Variants in PRKCH observed in about 807,000 individuals in gnomAD.
The protein encoded by PRKCH is protein kinase C eta.
In PRKCH, 28 loss-of-function variants were observed where a neutral mutation model predicts 82.5. That is an observed-to-expected ratio of 0.34 (90% CI 0.25 to 0.47). The LOEUF is 0.47. PRKCH is among the 20% of genes least tolerant of loss of function. The pLI is 1.00. For missense variants in PRKCH, 705 were observed against 881.8 expected (o/e 0.80, Z 2.54); for synonymous variants, 322 against 327.4 (o/e 0.98, Z 0.18).
At position 61,295,081 on chromosome 14, in the gene PRKCH, G is replaced by T. The variant is rs577159448; in HGVS notation, c.-19+107413G>T. 1.4e-4 allele frequency among the ~76,000 whole-genome samples: 21 copies of T among 152,184 alleles called. No individual in the cohort carries two copies. The East Asian group carries it at 4.0e-3, about 29-fold the overall frequency. On this transcript the variant is annotated intron_variant, in intron 1 of 3. Coordinates refer to the PRKCH transcript ENST00000555185. ...AGGTTTTGCCATGTTGGCCAGGCTG[G>T]TCTCGAACTTCCAGCCTCAAATGAT...
Position 61,188,739 on chromosome 14 carries a change from G to GTGTGTGTGTGTGTGT in PRKCH, c.-19+1071_-19+1072insTGTGTGTGTGTGTGT, listed in dbSNP as rs1491089927. 1.7e-4 allele frequency among the ~76,000 whole-genome samples: 25 copies of GTGTGTGTGTGTGTGT among 144,424 alleles called. 3 individuals are homozygous for GTGTGTGTGTGTGTGT. The highest frequency in any genetic ancestry group is 4.1e-4 in the East Asian group (2 of 4,858). 94.7% of individuals were successfully genotyped at this position (144,424 alleles called of 152,430 possible). On this transcript the variant is annotated intron_variant, in intron 1 of 3. Transcript: ENST00000555185. Reference sequence around the variant, plus strand: ...TGTGTGTGTGTGTGTGTGTGTGTGTGATGGAGTTTTGCTCTTGTTGCCCAG... The same window carrying GTGTGTGTGTGTGTGT: ...TGTGTGTGTGTGTGTGTGTGTGTGTGTGTGTGTGTGTGTGTATGGAGTTTTGCTCTTGTTGCCCAG...
intron 12 of PRKCH, among the ~76,000 whole-genome samples, chr14:61,537,233 G>T (rs1051065494): frequency 1.3e-5 from 2 of 152,120 alleles, no homozygotes; most frequent in African/African-American, 4.8e-5. Flanking sequence ...CCTGCGACTC[G>T]CAGAGAATGG....
At chr14:61,378,030 G>T (rs1594639300) in intron 1 of PRKCH, among the ~76,000 whole-genome samples, 1 of 152,092 alleles carries the variant, frequency 6.6e-6, no homozygotes, top group South Asian at 2.1e-4. Flanking sequence ...TTCCTCCAAT[G>T]ACACTGATCA....
intron 1 of PRKCH, among the ~76,000 whole-genome samples, chr14:61,329,104 G>C (rs1329722287): frequency 1.3e-5 from 2 of 151,682 alleles, no homozygotes; most frequent in Admixed American, 1.3e-4. Context: ...AACAATCCCT[G>C]TCCATTGTTT....
At chr14:61,233,149 T>G (rs959749201) in intron 1 of PRKCH, among the ~76,000 whole-genome samples, 1 of 152,232 alleles carries the variant, frequency 6.6e-6, no homozygotes, top group African/African-American at 2.4e-5. Flanking sequence ...CACTCAGGTT[T>G]GCAGACTTCC....
intron 1 of PRKCH, among the ~76,000 whole-genome samples, chr14:61,209,989 A>C (rs1302274854): frequency 6.6e-6 from 1 of 151,506 alleles, no homozygotes; most frequent in African/African-American, 2.4e-5. Context: ...TTATAATCCC[A>C]GCACTTTGGG....
At chr14:61,227,333 G>A (rs866596827) in intron 1 of PRKCH, among the ~76,000 whole-genome samples, 14 of 152,300 alleles carry the variant, frequency 9.2e-5, no homozygotes, top group African/African-American at 3.1e-4. Context: ...GGTGGCTCAC[G>A]CCTGTAATCC....
chr14:61,215,959 GAAC>G lies in PRKCH; in HGVS notation c.-19+28297_-19+28299del, dbSNP rs544439265. 1.5e-4 allele frequency among the ~76,000 whole-genome samples: 23 copies of G among 152,288 alleles called. No homozygotes were observed. The East Asian group carries it at 4.2e-3, about 28-fold the overall frequency. On this transcript the variant is annotated intron_variant, in intron 1 of 3. Coordinates refer to the PRKCH transcript ENST00000555185. ...TAAGGGTTTTAAGACGCATCCAGGA[GAAC>G]AACAAGGGCTTCTGGGATTCCACAA...
chr14:61,207,106 C>CA (rs71114196), intron 1 of PRKCH, among the ~76,000 whole-genome samples: 12,059 of 49,066 alleles, frequency 0.25, 2,818 homozygotes, highest in East Asian at 0.36. Flanking sequence ...AACTCCATCT[C>CA]AAAAAAAAAA....
intron 1 of PRKCH, among the ~76,000 whole-genome samples, chr14:61,288,243 A>G (rs372605109): frequency 6.6e-6 from 1 of 152,108 alleles, no homozygotes; most frequent in East Asian, 1.9e-4. Flanking sequence ...CCACCGGAAA[A>G]AAAACTAAAT....
At chr14:61,323,410 A>T (rs2045656667) in intron 1 of PRKCH, among the ~76,000 whole-genome samples, 4 of 152,234 alleles carry the variant, frequency 2.6e-5, no homozygotes, top group Admixed American at 2.6e-4. Flanking sequence ...AATGATAATT[A>T]TAATAAAGTA....
chr14:61,480,326 C>A (rs10151469), intron 9 of PRKCH, among the ~76,000 whole-genome samples: 6,083 of 152,216 alleles, frequency 0.04, 410 homozygotes, highest in African/African-American at 0.14. Flanking sequence ...AATGCTTCAC[C>A]TAGTTGCTTC....
chr14:61,393,410 T>G (rs2046717412), intron 2 of PRKCH, among the ~76,000 whole-genome samples: 1 of 152,198 alleles, frequency 6.6e-6, no homozygotes. Flanking sequence ...GTAGTCAAAT[T>G]AGTCAATTCT....
chr14:61,293,562 C>T (rs2045381355), intron 1 of PRKCH, among the ~76,000 whole-genome samples: 1 of 152,210 alleles, frequency 6.6e-6, no homozygotes, highest in African/African-American at 2.4e-5. Context: ...GAGACCAAAT[C>T]ACTCAGTTCT....
intron 12 of PRKCH, among the ~76,000 whole-genome samples, chr14:61,538,110 A>C (rs1230996854): frequency 6.6e-6 from 1 of 152,248 alleles, no homozygotes; most frequent in African/African-American, 2.4e-5. Context: ...GGGGAAGAGG[A>C]GGGAAAAATG....
In PRKCH at chr14:61,528,489, ATTTC is replaced by A. The variant is rs563920732; in HGVS notation, c.1434-583_1434-580del. ...GATTACAGGCACCCAGCCGACAAGT[ATTTC>A]TTAAGTACATTATGCCAGGCATAAT... is the stretch of plus-strand genomic sequence containing the variant. On this transcript the variant is annotated intron_variant, in intron 10 of 13. Coordinates refer to ENST00000332981, the MANE Select transcript of PRKCH (RefSeq NM_006255.5). Among the ~76,000 whole-genome samples, 4 of 152,260 alleles carry A rather than the reference ATTTC, an allele frequency of 2.6e-5. No homozygotes were observed. In the East Asian group the frequency reaches 7.7e-4, roughly 29 times the overall value.
chr14:61,242,537 A>G (rs2044848121), intron 1 of PRKCH, among the ~76,000 whole-genome samples: 1 of 152,158 alleles, frequency 6.6e-6, no homozygotes, highest in South Asian at 2.1e-4. Flanking sequence ...AGCTGGGATT[A>G]CAGGCGTCTG....
intron 3 of PRKCH, among the ~76,000 whole-genome samples, chr14:61,443,634 T>C (rs1340613136): frequency 6.6e-6 from 1 of 152,188 alleles, no homozygotes; most frequent in African/African-American, 2.4e-5. Context: ...AAGGCATGAA[T>C]CGCATAATGA....
At chr14:61,432,206 T>G (rs1055934269) in intron 2 of PRKCH, among the ~76,000 whole-genome samples, 3 of 152,200 alleles carry the variant, frequency 2.0e-5, no homozygotes, top group African/African-American at 7.2e-5. Flanking sequence ...ACTTTCCTCC[T>G]GGCTTATGTG....
Sources: allele counts gnomAD v4.1 joint callset (sites outside exome capture counted in the v4.1 genomes callset), GRCh38; gene constraint gnomAD v4.1.1; transcripts MANE v1.5; gene names NCBI Gene and HGNC (gene_info 2026-07-23, HGNC 2026-07-21).